The following CNTN4 variants were observed in gnomAD, a reference collection of about 807,000 sequenced individuals.
CNTN4 encodes contactin 4.
A neutral mutation model predicts 122.5 loss-of-function variants in CNTN4; 77 were observed. The observed-to-expected ratio is 0.63, with a 90% CI of 0.52 to 0.76. The LOEUF is 0.76. CNTN4 is among the 30% of genes least tolerant of loss of function. The probability of loss-of-function intolerance (pLI) is 0.00; values close to 1 mark genes in which losing one functional copy is unlikely to be tolerated. For missense variants in CNTN4, 1,256 were observed against 1,259.1 expected (o/e 1.00, Z 0.04); for synonymous variants, 512 against 447.0 (o/e 1.15, Z -1.83).
intron 2 of CNTN4, among the ~76,000 whole-genome samples, chr3:2,296,804 CAAA>C (rs1353975859): frequency 1.4e-5 from 1 of 70,232 alleles, no homozygotes; most frequent in African/African-American, 5.3e-5. Context: ...AAAAAAACAA[CAAA>C]AAACTATAAT....
chr3:2,128,378 T>C lies in CNTN4; in HGVS notation c.-145+27739T>C, dbSNP rs139979494. 2.4e-3 allele frequency among the ~76,000 whole-genome samples: 371 copies of C among 152,288 alleles called. 1 individual carries two copies. Among genetic ancestry groups the C allele is most frequent in the African/African-American group, 8.6e-3 (358 of 41,566 alleles). On this transcript the variant is annotated intron_variant, in intron 2 of 24. Coordinates refer to ENST00000418658, the MANE Select transcript of CNTN4 (RefSeq NM_175607.3). ...AGATTCAATATTTTAAATTTAACAT[T>C]TACAGAAACCTCACCATAGCAAGAA...
intron 7 of CNTN4, among the ~76,000 whole-genome samples, chr3:2,860,303 G>C (rs1207898897): frequency 6.6e-6 from 1 of 152,200 alleles, no homozygotes; most frequent in African/African-American, 2.4e-5. Flanking sequence ...TCTGTGTCTG[G>C]CAGAGTCAAT....
At chr3:2,765,279 C>T (rs546609980) in intron 6 of CNTN4, among the ~76,000 whole-genome samples, 107 of 151,836 alleles carry the variant, frequency 7.0e-4, no homozygotes, top group Admixed American at 2.6e-3. Flanking sequence ...AGTTTCTGCA[C>T]GGAGATGAAA....
At chr3:2,674,835 A>G (rs553034518) in intron 4 of CNTN4, among the ~76,000 whole-genome samples, 9 of 151,834 alleles carry the variant, frequency 5.9e-5, no homozygotes, top group Non-Finnish European at 1.2e-4. Context: ...TATTCGTCTT[A>G]TGTAGCTGTG....
intron 13 of CNTN4, among the ~76,000 whole-genome samples, chr3:2,933,841 A>G (rs988132465): frequency 1.3e-5 from 2 of 152,164 alleles, no homozygotes; most frequent in Non-Finnish European, 2.9e-5. Context: ...CATGGAGTGC[A>G]TTGGAGTGCA....
rs7649187 is a variant in CNTN4 at position 2,585,331 on chromosome 3, C to T, written c.55+13773C>T. 2.2e-3 allele frequency among the ~76,000 whole-genome samples: 320 copies of T among 148,692 alleles called. 19 individuals carry two copies. The highest frequency in any genetic ancestry group is 7.1e-3 in the African/African-American group (289 of 40,458). ...AAATACCATTTGACCCAGCCATCCC[C>T]TTACTGGGCATATACCCAAGGGATT... is the stretch of plus-strand genomic sequence containing the variant. On this transcript the variant is annotated intron_variant, in intron 4 of 24. Coordinates refer to ENST00000418658, the MANE Select transcript of CNTN4 (RefSeq NM_175607.3).
chr3:2,539,076 C>T (rs2077929048), intron 3 of CNTN4, among the ~76,000 whole-genome samples: 1 of 152,052 alleles, frequency 6.6e-6, no homozygotes, highest in African/African-American at 2.4e-5. Flanking sequence ...TATAACTATC[C>T]TAACCATAAG....
At chr3:2,279,052 CCTTCCACATAAG>C (rs1296136095) in intron 2 of CNTN4, among the ~76,000 whole-genome samples, 1 of 151,928 alleles carries the variant, frequency 6.6e-6, no homozygotes, top group East Asian at 1.9e-4. Flanking sequence ...AGAGAGATTA[CCTTCCACATAAG>C]CTTAATACCT....
chr3:2,851,051 C>T (rs1306885721), intron 7 of CNTN4, among the ~76,000 whole-genome samples: 2 of 152,082 alleles, frequency 1.3e-5, no homozygotes, highest in Non-Finnish European at 2.9e-5. Flanking sequence ...AGCTAGAAAT[C>T]GAAGGTGGGT....
chr3:2,405,598 GATA>G (rs1194706996), intron 3 of CNTN4, among the ~76,000 whole-genome samples: 31 of 30,220 alleles, frequency 1.0e-3, no homozygotes, highest in Admixed American at 2.2e-3. Flanking sequence ...TAGATAGGTA[GATA>G]GATAGATAGA....
Position 2,321,191 on chromosome 3 carries a change from CTTTG to C in CNTN4, c.-144-17982_-144-17979del, listed in dbSNP as rs759610875. Among the ~76,000 whole-genome samples, 40 of 152,196 alleles carry C rather than the reference CTTTG, an allele frequency of 2.6e-4. 1 individual carries two copies. Among genetic ancestry groups the C allele is most frequent in the Non-Finnish European group, 5.1e-4 (35 of 67,968 alleles). On this transcript the variant is annotated intron_variant, in intron 2 of 24. Transcript: ENST00000418658. ...ATTGTTATCCCCCTTATAAACATGT[CTTTG>C]TTTGAAGCATTATCTCAATTGTGAA...
At chr3:3,013,871 G>T (rs1697473049) in intron 14 of CNTN4, among the ~76,000 whole-genome samples, 1 of 152,056 alleles carries the variant, frequency 6.6e-6, no homozygotes, top group African/African-American at 2.4e-5. Flanking sequence ...CACACCCTAG[G>T]GAGTTGGCAT....
At chr3:2,561,287 C>T (rs1288208516) in intron 3 of CNTN4, among the ~76,000 whole-genome samples, 1 of 152,180 alleles carries the variant, frequency 6.6e-6, no homozygotes, top group Non-Finnish European at 1.5e-5. Context: ...CTCTGCAGCA[C>T]ACCAGCGAGC....
chr3:2,576,453 A>G (rs889044339), intron 4 of CNTN4, among the ~76,000 whole-genome samples: 13 of 152,172 alleles, frequency 8.5e-5, no homozygotes, highest in Admixed American at 4.6e-4. Flanking sequence ...TAAATATCTA[A>G]AGTATTAAAA....
intron 3 of CNTN4, among the ~76,000 whole-genome samples, chr3:2,563,332 C>G (rs1260836434): frequency 6.6e-6 from 1 of 152,150 alleles, no homozygotes; most frequent in East Asian, 1.9e-4. Context: ...AGAGAAAGTT[C>G]TATCTATTAC....
intron 2 of CNTN4, among the ~76,000 whole-genome samples, chr3:2,152,489 C>G (rs1044926860): frequency 6.6e-6 from 1 of 152,126 alleles, no homozygotes; most frequent in African/African-American, 2.4e-5. Context: ...GAGCCACACT[C>G]TGGTTGCTCT....
intron 14 of CNTN4, among the ~76,000 whole-genome samples, chr3:3,009,975 T>C (rs780551570): frequency 3.8e-4 from 58 of 151,870 alleles, no homozygotes; most frequent in Non-Finnish European, 6.9e-4. Flanking sequence ...AAAGAATATC[T>C]AGTACCTAGT....
chr3:2,186,379 C>T (rs564072155), intron 2 of CNTN4, among the ~76,000 whole-genome samples: 3,358 of 152,122 alleles, frequency 0.022, 57 homozygotes, highest in Non-Finnish European at 0.033. Context: ...TGAATAGTGC[C>T]GCAATAAACA....
chr3:2,762,800 A>G (rs1019959212), intron 6 of CNTN4, among the ~76,000 whole-genome samples: 3 of 152,090 alleles, frequency 2.0e-5, no homozygotes, highest in Non-Finnish European at 2.9e-5. Flanking sequence ...GCAATAGTAT[A>G]TAAGTCTTCA....
Sources: allele counts gnomAD v4.1 joint callset (sites outside exome capture counted in the v4.1 genomes callset), GRCh38; gene constraint gnomAD v4.1.1; transcripts MANE v1.5; gene names NCBI Gene and HGNC (gene_info 2026-07-23, HGNC 2026-07-21).